Variants in ANKRD26 observed in about 807,000 individuals in gnomAD.
ANKRD26 encodes the protein ankyrin repeat domain-containing protein 26.
In ANKRD26, 141 loss-of-function variants were observed where a neutral mutation model predicts 208.7. That is an observed-to-expected ratio of 0.68 (90% CI 0.59 to 0.78). The LOEUF (loss-of-function observed/expected upper bound fraction) is 0.78, where lower values mean the gene tolerates loss of function less well. Ranked by LOEUF, ANKRD26 falls within the 30% of genes least tolerant of loss-of-function variation. The pLI is 0.00. For missense variants in ANKRD26, 1,889 were observed against 1,938.7 expected (o/e 0.97, Z 0.48); for synonymous variants, 636 against 660.4 (o/e 0.96, Z 0.57).
chr10:27,052,077 T>C (rs1406216935), intron 16 of ANKRD26: 2 of 985,390 alleles, frequency 2.0e-6, no homozygotes, highest in South Asian at 4.7e-5. Context: ...AAGTGGACGA[T>C]TAATTTGCTT....
chr10:27,082,149 C>G (rs2055944925), intron 6 of ANKRD26, among the ~76,000 whole-genome samples: 1 of 149,752 alleles, frequency 6.7e-6, no homozygotes, highest in South Asian at 2.1e-4. Context: ...AAGGGAAAAC[C>G]AAACTGGGAA....
At chr10:27,096,790 A>C (rs576367043) in intron 1 of ANKRD26, among the ~76,000 whole-genome samples, 1 of 152,018 alleles carries the variant, frequency 6.6e-6, no homozygotes, top group African/African-American at 2.4e-5. Flanking sequence ...AAGAAAAAAA[A>C]ATCAGCTCTG....
chr10:27,034,702 A>G, intron 24 of ANKRD26, 94 bp downstream of exon 24: 3 of 778,508 alleles, frequency 3.9e-6, no homozygotes, highest in Non-Finnish European at 6.0e-6. Context: ...AAATAAGCTT[A>G]TCTATTTATT....
Position 27,072,725 on chromosome 10 carries a change from C to T in ANKRD26, c.1077+4613G>A, listed in dbSNP as rs117226590. On this transcript the variant is annotated intron_variant, in intron 9 of 33. Transcript: ENST00000376087. ...GACACAGCACCAAGGAAGTAGGAAACTTCTGTGCATCTTCAGTTAATCACC... is the reference window on the plus strand; with the variant it reads ...GACACAGCACCAAGGAAGTAGGAAATTTCTGTGCATCTTCAGTTAATCACC... 6.1e-3 allele frequency among the ~76,000 whole-genome samples: 934 copies of T among 152,350 alleles called. 5 individuals are homozygous for T. The highest frequency in any genetic ancestry group is 6.1e-3 in the Non-Finnish European group (417 of 68,034).
intron 31 of ANKRD26, among the ~76,000 whole-genome samples, chr10:27,013,464 CT>C (rs2053185776): frequency 6.6e-6 from 1 of 152,110 alleles, no homozygotes; most frequent in Non-Finnish European, 1.5e-5. Context: ...AAATACTTGT[CT>C]TTAAAGGGTA....
At chr10:27,051,106 C>T (rs1468941523) in intron 16 of ANKRD26, 3 of 1,287,508 alleles carry the variant, frequency 2.3e-6, no homozygotes, top group African/African-American at 3.0e-5. Context: ...TGGAACTCTA[C>T]TTTTAACATG....
chr10:27,064,151 C>T, intron 11 of ANKRD26, 70 bp from the exon 12 acceptor site: 2 of 1,136,626 alleles, frequency 1.8e-6, no homozygotes, highest in South Asian at 2.6e-5. Context: ...ATTTTCTAAT[C>T]ACTTTCAAAT....
chr10:27,046,614 A>G (rs1371793012), intron 17 of ANKRD26, 91 bp from the exon 18 acceptor site: 1 of 1,296,870 alleles, frequency 7.7e-7, no homozygotes, highest in Non-Finnish European at 1.1e-6. Flanking sequence ...AAGAAAGAAT[A>G]AAAAATCCAT....
At chr10:26,958,846 A>G in the ANKRD26 span, among the ~76,000 whole-genome samples, 1 of 152,348 alleles carries the variant, frequency 6.6e-6, no homozygotes, top group South Asian at 2.1e-4. Context: ...TTGCTGGATC[A>G]AAAGGTATTT....
Position 27,084,872 on chromosome 10 carries a change from C to CA in ANKRD26, c.709+1666dup, listed in dbSNP as rs375120568. 9.6e-3 allele frequency among the ~76,000 whole-genome samples: 957 copies of CA among 99,298 alleles called. 34 individuals are homozygous for CA. In the East Asian group the frequency reaches 0.16, roughly 16 times the overall value. 65.1% of individuals were successfully genotyped at this position (99,298 alleles called of 152,430 possible). A position where few individuals can be genotyped will look rare whatever the true frequency, so the allele number is the denominator to read the frequency against. ...GGGCAACAAGAGTGAAACTCCATTT[C>CA]AAAAAAAAAAAAAAAAAATTTCTGT... On this transcript the variant is annotated intron_variant, in intron 5 of 33. Transcript: ENST00000376087.
At position 27,005,175 on chromosome 10, in the gene ANKRD26, C is replaced by T; in HGVS notation, c.*415G>A. 4.0e-6 allele frequency: 4 copies of T among 987,986 alleles called. No homozygotes were observed. The highest frequency in any genetic ancestry group is 4.8e-6 in the Non-Finnish European group (4 of 831,724). The allele number at this position is 987,986 out of a possible 1,614,324, so 61.2% of individuals were successfully genotyped here. ...TTAAAATTATGTAAATTTGATGGCA[C>T]TGTAACAATTGTAATACATCCAAAC... On this transcript the variant is annotated 3_prime_UTR_variant, in exon 34 of 34. Transcript: ENST00000376087.
intron 1 of ANKRD26, among the ~76,000 whole-genome samples, chr10:27,098,404 C>G (rs78438851): frequency 8.5e-5 from 13 of 152,272 alleles, no homozygotes; most frequent in African/African-American, 3.1e-4. Context: ...TGATTTTTAT[C>G]TGTGCAAGAT....
At chr10:27,093,044 G>A (rs1254653944) in intron 3 of ANKRD26, among the ~76,000 whole-genome samples, 3 of 151,926 alleles carry the variant, frequency 2.0e-5, no homozygotes, top group Non-Finnish European at 2.9e-5. Flanking sequence ...AGCCGAGATC[G>A]CGCCTCTGCA....
At chr10:27,044,223 T>G (rs1306925919) in intron 18 of ANKRD26, 33 bp from the exon 19 acceptor site, 1 of 1,409,188 alleles carries the variant, frequency 7.1e-7, no homozygotes. Flanking sequence ...AGGCAAATAG[T>G]AAACATGTAA....
chr10:27,037,722 C>T (rs935733047), intron 22 of ANKRD26, 149 bp downstream of exon 22: 31 of 679,990 alleles, frequency 4.6e-5, no homozygotes, highest in Non-Finnish European at 6.9e-5. Flanking sequence ...CAAGATTTAT[C>T]ATGAATAATT....
intron 32 of ANKRD26, among the ~76,000 whole-genome samples, chr10:27,011,193 CATA>C (rs1278085232): frequency 1.1e-4 from 16 of 152,306 alleles, no homozygotes; most frequent in African/African-American, 3.8e-4. Flanking sequence ...TGGATATTTT[CATA>C]ATGATACACA....
intron 15 of ANKRD26, among the ~76,000 whole-genome samples, chr10:27,056,326 C>T (rs977720515): frequency 6.6e-6 from 1 of 151,856 alleles, no homozygotes; most frequent in African/African-American, 2.4e-5. Flanking sequence ...TACAGGCGCC[C>T]GCCACCACAC....
Position 27,077,685 on chromosome 10 carries a change from T to C in ANKRD26, c.822A>G (p.Pro274=). 6.2e-7 allele frequency: 1 copy of C among 1,612,194 alleles called. No individual in the cohort carries two copies. Among genetic ancestry groups the C allele is most frequent in the African/African-American group, 1.3e-5 (1 of 75,026 alleles). The change falls in exon 8 of 34, where the codon CCA becomes CCG. Residue 274 remains proline (P), a synonymous_variant. Coordinates refer to ENST00000376087, the MANE Select transcript of ANKRD26 (RefSeq NM_014915.3). ...TCATTAGCTTTGCTAAGCTTGGTTT[T>C]GGGACATTCTAGAAAACAAAAATAA... is the stretch of plus-strand genomic sequence containing the variant. ...EDLNFDTKNV[P]KPSLAKLMTA... is the part of the protein sequence containing the mutation.
chr10:26,988,803 GGGAA>G (rs983256464), downstream of ANKRD26, among the ~76,000 whole-genome samples: 4 of 151,782 alleles, frequency 2.6e-5, no homozygotes, highest in Admixed American at 6.6e-5. Context: ...CCCAGCATTT[GGGAA>G]GGCCAAGGTA....
Sources: gnomAD v4.1 joint callset for allele counts (sites outside exome capture counted in the v4.1 genomes callset) on GRCh38, gnomAD v4.1.1 for gene constraint, MANE v1.5 for transcripts, NCBI Gene and HGNC (gene_info 2026-07-23, HGNC 2026-07-21) for gene names.